NOS1AP: variants seen among roughly 807,000 people sequenced by gnomAD.
The protein encoded by NOS1AP is carboxyl-terminal PDZ ligand of neuronal nitric oxide synthase protein.
NOS1AP carries 21 observed loss-of-function variants against 56.2 expected under a neutral mutation model. That is an observed-to-expected ratio of 0.37 (90% CI 0.26 to 0.54). The LOEUF is 0.54. Ranked by LOEUF, NOS1AP falls within the 20% of genes least tolerant of loss-of-function variation. NOS1AP has a pLI of 0.84. For synonymous variants in NOS1AP, 270 were observed against 274.6 expected (o/e 0.98, Z 0.17); for missense variants, 522 against 657.8 (o/e 0.79, Z 2.26).
intron 2 of NOS1AP, among the ~76,000 whole-genome samples, chr1:162,251,630 G>C (rs12406604): frequency 8.9e-4 from 130 of 146,204 alleles, no homozygotes; most frequent in African/African-American, 3.4e-3. Flanking sequence ...GTGTGTGTGT[G>C]TGTCTGTGTG....
intron 1 of NOS1AP, among the ~76,000 whole-genome samples, chr1:162,125,370 G>A (rs1159588764): frequency 1.3e-5 from 2 of 152,056 alleles, no homozygotes; most frequent in Non-Finnish European, 2.9e-5. Context: ...CTGAGCTTAG[G>A]CAATCTGCCC....
At chr1:162,195,998 A>G (rs76088475) in intron 2 of NOS1AP, among the ~76,000 whole-genome samples, 3 of 152,236 alleles carry the variant, frequency 2.0e-5, no homozygotes, top group Admixed American at 6.5e-5. Flanking sequence ...AAATTAGACT[A>G]TTGGACCAAA....
chr1:162,123,403 C>T (rs1648330635), intron 1 of NOS1AP, among the ~76,000 whole-genome samples: 1 of 152,164 alleles, frequency 6.6e-6, no homozygotes, highest in Non-Finnish European at 1.5e-5. Context: ...AACTTCTGAC[C>T]TCAAGTGATC....
chr1:162,281,749 G>A (rs947622335), intron 2 of NOS1AP, among the ~76,000 whole-genome samples: 22 of 152,322 alleles, frequency 1.4e-4, no homozygotes, highest in East Asian at 3.9e-4. Flanking sequence ...TGGACTTGCC[G>A]TGAGAACAAA....
intron 2 of NOS1AP, among the ~76,000 whole-genome samples, chr1:162,231,250 C>G (rs1370301751): frequency 2.0e-5 from 3 of 152,144 alleles, no homozygotes; most frequent in African/African-American, 7.2e-5. Flanking sequence ...TGTTGAGCAG[C>G]TTTTCATATG....
rs768776220 is a variant in NOS1AP at position 162,121,142 on chromosome 1, C to G, written c.106-33263C>G. Among the ~76,000 whole-genome samples the G allele has an allele frequency of 3.0e-4, 43 of 144,334 alleles. No individual in the cohort carries two copies. In the Middle Eastern group the frequency reaches 0.014, roughly 49 times the overall value. 94.7% of individuals were successfully genotyped at this position (144,334 alleles called of 152,430 possible). On this transcript the variant is annotated intron_variant, in intron 1 of 9. Coordinates refer to ENST00000361897, the MANE Select transcript of NOS1AP (RefSeq NM_014697.3). ...GCATTTGAGAGGGGTAAACCGATCACTTCAGACTTGGAGAGAATTTTTTTT... is the reference window on the plus strand; with the variant it reads ...GCATTTGAGAGGGGTAAACCGATCAGTTCAGACTTGGAGAGAATTTTTTTT...
At chr1:162,281,390 T>A (rs576191623) in intron 2 of NOS1AP, among the ~76,000 whole-genome samples, 1 of 152,238 alleles carries the variant, frequency 6.6e-6, no homozygotes, top group Non-Finnish European at 1.5e-5. Context: ...TGGTCTCTTT[T>A]CTTGGGTAGA....
At chr1:162,157,684 A>T (rs1168871867) in intron 2 of NOS1AP, among the ~76,000 whole-genome samples, 4 of 152,206 alleles carry the variant, frequency 2.6e-5, no homozygotes, top group African/African-American at 9.7e-5. Flanking sequence ...TCCTGTCTAG[A>T]GCACTAAAGG....
At chr1:162,287,686 T>C (rs1040682632) in intron 3 of NOS1AP, among the ~76,000 whole-genome samples, 31 of 151,916 alleles carry the variant, frequency 2.0e-4, no homozygotes, top group African/African-American at 6.0e-4. Context: ...CTGTCATCCA[T>C]GCCTTCAACC....
At chr1:162,275,625 C>T (rs562029078) in intron 2 of NOS1AP, among the ~76,000 whole-genome samples, 32 of 152,284 alleles carry the variant, frequency 2.1e-4, no homozygotes, top group African/African-American at 7.2e-4. Context: ...AGGGGGAAAC[C>T]TGCCTCACAT....
intron 1 of NOS1AP, among the ~76,000 whole-genome samples, chr1:162,110,244 T>A (rs920852404): frequency 7.1e-6 from 1 of 141,592 alleles, no homozygotes; most frequent in Non-Finnish European, 1.5e-5. Context: ...GGAAGAGTTT[T>A]TGCCCTAAGT....
chr1:162,366,918 C>A (rs1658104551), intron 9 of NOS1AP, 134 bp from the exon 10 acceptor site: 1 of 991,376 alleles, frequency 1.0e-6, no homozygotes, highest in Non-Finnish European at 1.6e-6. Flanking sequence ...GTTAAGAGAC[C>A]CAAAGCCCGG....
intron 2 of NOS1AP, among the ~76,000 whole-genome samples, chr1:162,165,173 T>C (rs182331374): frequency 3.3e-5 from 5 of 151,944 alleles, no homozygotes; most frequent in Admixed American, 3.3e-4. Context: ...AATACAAAAT[T>C]AGCTGGGCAT....
intron 4 of NOS1AP, among the ~76,000 whole-genome samples, chr1:162,329,366 A>AGC (rs1394548596): frequency 4.2e-4 from 58 of 138,422 alleles, no homozygotes; most frequent in African/African-American, 1.8e-3. Context: ...AAAAAAAGAG[A>AGC]GAGAGAGAGA....
In NOS1AP at chr1:162,343,972, C is replaced by T; in HGVS notation, c.591C>T (p.Asp197=). Residue 197 remains aspartate, a synonymous_variant, in exon 6 of 10, where the codon GAC becomes GAT. Transcript: ENST00000361897. ...AGAGGAACAGCAACAGCTCAGGAGA[C>T]CCAGGTAGGCACTGCGGCTTCTGTG... The part of the protein sequence containing the change: ...ESERNSNSSG[D]PGRQLTGAER... 1 of 1,614,078 alleles carries T rather than the reference C, an allele frequency of 6.2e-7. No individual in the cohort carries two copies. The highest frequency in any genetic ancestry group is 8.5e-7 in the Non-Finnish European group (1 of 1,180,008).
At chr1:162,154,509 G>A (rs1453700474) in intron 2 of NOS1AP, 33 bp downstream of exon 2, 4 of 1,606,932 alleles carry the variant, frequency 2.5e-6, no homozygotes, top group South Asian at 1.1e-5. Context: ...TGTGGAGCGG[G>A]GAGTCAAGTG....
chr1:162,360,996 T>C (rs983791861), intron 8 of NOS1AP: 14 of 449,554 alleles, frequency 3.1e-5, no homozygotes, highest in Non-Finnish European at 4.9e-5. Flanking sequence ...GTTTCAGAGT[T>C]TGGGAAAGCA....
At chr1:162,336,563 G>A (rs1656946539) in intron 5 of NOS1AP, among the ~76,000 whole-genome samples, 1 of 152,106 alleles carries the variant, frequency 6.6e-6, no homozygotes, top group African/African-American at 2.4e-5. Flanking sequence ...GTATCTTTTT[G>A]TAGTTAATAT....
chr1:162,274,623 A>T (rs192459591), intron 2 of NOS1AP, among the ~76,000 whole-genome samples: 31 of 152,290 alleles, frequency 2.0e-4, no homozygotes, highest in African/African-American at 7.2e-4. Flanking sequence ...ATTATTCCAG[A>T]CTTGGGTGAA....
Sources: gnomAD v4.1 joint callset for allele counts (sites outside exome capture counted in the v4.1 genomes callset) on GRCh38, gnomAD v4.1.1 for gene constraint, MANE v1.5 for transcripts, NCBI Gene and HGNC (gene_info 2026-07-23, HGNC 2026-07-21) for gene names.